The following CNGA1 variants were observed in gnomAD, a reference collection of about 807,000 sequenced individuals.
CNGA1 encodes cyclic nucleotide gated channel subunit alpha 1.
In CNGA1, 53 loss-of-function variants were observed where a neutral mutation model predicts 69.7. The observed-to-expected ratio is 0.76, with a 90% confidence interval of 0.61 to 0.96. CNGA1 has a LOEUF of 0.96. Among genes scored for constraint, CNGA1 ranks in the 40% least tolerant of loss-of-function variants. The pLI is 0.00. For missense variants in CNGA1, 739 were observed against 811.2 expected, an observed-to-expected ratio of 0.91 and a Z score of 1.08; for synonymous variants, 249 against 283.5, an observed-to-expected ratio of 0.88 and a Z score of 1.22.
At chr4:47,987,524 C>T (rs1402067323) in intron 2 of CNGA1, among the ~76,000 whole-genome samples, 1 of 152,178 alleles carries the variant, frequency 6.6e-6, no homozygotes, top group African/African-American at 2.4e-5. Flanking sequence ...CAGTTTGATA[C>T]TATGCATAGT....
intron 2 of CNGA1, among the ~76,000 whole-genome samples, chr4:48,010,220 T>G (rs966515813): frequency 6.6e-6 from 1 of 152,198 alleles, no homozygotes; most frequent in Non-Finnish European, 1.5e-5. Context: ...CATAAAATTA[T>G]AGAAATCTAT....
At chr4:47,958,577 G>A (rs1057453910) in intron 3 of CNGA1, among the ~76,000 whole-genome samples, 5 of 151,470 alleles carry the variant, frequency 3.3e-5, no homozygotes, top group South Asian at 2.1e-4. Flanking sequence ...AGCCGAGATC[G>A]CACCATTGCG....
chr4:47,955,823 G>C (rs1050691060), intron 3 of CNGA1, among the ~76,000 whole-genome samples: 4 of 152,224 alleles, frequency 2.6e-5, no homozygotes, highest in African/African-American at 9.6e-5. Context: ...CTGGAAGGGA[G>C]ACTTTTGTAA....
At chr4:47,988,378 G>T (rs1317746758) in intron 2 of CNGA1, among the ~76,000 whole-genome samples, 1 of 152,090 alleles carries the variant, frequency 6.6e-6, no homozygotes, top group Non-Finnish European at 1.5e-5. Flanking sequence ...ACACGTCAGT[G>T]CCTCAGTAAT....
intron 3 of CNGA1, among the ~76,000 whole-genome samples, chr4:47,971,630 G>C (rs986411063): frequency 7.2e-5 from 11 of 152,074 alleles, no homozygotes; most frequent in Non-Finnish European, 1.5e-5. Flanking sequence ...GGTGGCTCAC[G>C]CTTGCAATCC....
chr4:47,945,172 G>A (rs1434436723), intron 6 of CNGA1, among the ~76,000 whole-genome samples: 2 of 151,940 alleles, frequency 1.3e-5, no homozygotes, highest in Non-Finnish European at 1.5e-5. Context: ...AGACCAGCCC[G>A]GGCAACATAG....
chr4:47,974,896 C>G (rs1394967243), intron 3 of CNGA1, among the ~76,000 whole-genome samples: 1 of 152,054 alleles, frequency 6.6e-6, no homozygotes, highest in African/African-American at 2.4e-5. Flanking sequence ...AAAAATCTTT[C>G]TGAGTTACAG....
chr4:48,010,082 A>G (rs998129240), intron 2 of CNGA1, among the ~76,000 whole-genome samples: 5 of 152,220 alleles, frequency 3.3e-5, no homozygotes, highest in Non-Finnish European at 7.3e-5. Flanking sequence ...TCAGCTAAAT[A>G]GCCATAAATT....
At chr4:47,941,825 C>T (rs1202667081) in intron 9 of CNGA1, among the ~76,000 whole-genome samples, 1 of 152,150 alleles carries the variant, frequency 6.6e-6, no homozygotes, top group Non-Finnish European at 1.5e-5. Context: ...CCCCTCCATG[C>T]ATCCCAGTAC....
intron 3 of CNGA1, among the ~76,000 whole-genome samples, chr4:47,958,087 T>C (rs1299275589): frequency 6.6e-6 from 1 of 151,730 alleles, no homozygotes; most frequent in Non-Finnish European, 1.5e-5. Flanking sequence ...GTAGAGATGA[T>C]ATTTCACCGT....
Position 47,937,505 on chromosome 4 carries a change from T to C in CNGA1, c.977A>G (p.Asp326Gly), listed in dbSNP as rs527236059. 2 of 1,614,200 alleles carry C rather than the reference T, an allele frequency of 1.2e-6. No homozygotes were observed. Among genetic ancestry groups the C allele is most frequent in the Admixed American group, 1.7e-5 (1 of 60,026 alleles). Residue 326 changes from aspartate to glycine, a missense_variant, in exon 11 of 11, where the codon GAT becomes GGT. Coordinates refer to ENST00000514170, the MANE Select transcript of CNGA1 (RefSeq NM_001379270.1). ...SISKAIGFGN[D>G]TWVYPDINDP... ...ATTAATATCAGGGTAGACCCATGTA[T>C]CATTTCCAAATCCAATAGCTTTAGA...
intron 3 of CNGA1, among the ~76,000 whole-genome samples, chr4:47,974,636 TTAAAA>T (rs764469843): frequency 7.2e-5 from 11 of 152,196 alleles, no homozygotes; most frequent in Non-Finnish European, 1.5e-4. Flanking sequence ...AAAAATAAAT[TTAAAA>T]TAAACATTTT....
intron 1 of CNGA1, among the ~76,000 whole-genome samples, chr4:48,013,828 G>C (rs1336287264): frequency 6.6e-6 from 1 of 152,084 alleles, no homozygotes; most frequent in Non-Finnish European, 1.5e-5. Flanking sequence ...TGCAAAGGTG[G>C]TTTCTACTCC....
intron 2 of CNGA1, among the ~76,000 whole-genome samples, chr4:47,997,485 C>A: frequency 6.6e-6 from 1 of 152,000 alleles, no homozygotes; most frequent in South Asian, 2.1e-4. Flanking sequence ...TCAAAGACAA[C>A]TGGATTTAAT....
Position 48,016,666 on chromosome 4 carries a change from G to A in CNGA1, c.-406C>T. 3.4e-6 allele frequency: 2 copies of A among 586,104 alleles called. No homozygotes were observed. The highest frequency in any genetic ancestry group is 5.8e-6 in the Non-Finnish European group (2 of 346,246). 36.3% of individuals were successfully genotyped at this position (586,104 alleles called of 1,614,324 possible). ...AATTCGCAACAAGCCCCGGGCAGCA[G>A]GGCTCGGCTGGCGCTGAGGCCCCGC... On this transcript the variant is annotated 5_prime_UTR_variant, in exon 1 of 11. Coordinates refer to ENST00000514170, the MANE Select transcript of CNGA1 (RefSeq NM_001379270.1).
At chr4:48,000,892 G>A (rs1050189928) in intron 2 of CNGA1, among the ~76,000 whole-genome samples, 20 of 151,996 alleles carry the variant, frequency 1.3e-4, no homozygotes, top group Non-Finnish European at 1.6e-4. Flanking sequence ...GAAAATAAAG[G>A]CAAAATACAT....
intron 2 of CNGA1, among the ~76,000 whole-genome samples, chr4:48,008,436 A>G (rs1206864074): frequency 6.6e-6 from 1 of 152,142 alleles, no homozygotes; most frequent in East Asian, 1.9e-4. Context: ...TGTTTTGTAC[A>G]CAACCTTTAA....
rs749422084 is a variant in CNGA1, at chr4:47,936,417, G to T, written c.*4C>A. 6.2e-7 allele frequency: 1 copy of T among 1,613,880 alleles called. No homozygotes were observed. Among genetic ancestry groups the T allele is most frequent in the Non-Finnish European group, 8.5e-7 (1 of 1,179,868 alleles). ...TGTCCCTGTTAATGACCAGCTTTTC[G>T]GTTCTATGTAGAGTCGATGGGCCCA... is the stretch of plus-strand genomic sequence containing the variant. On this transcript the variant is annotated 3_prime_UTR_variant, in exon 11 of 11. Coordinates refer to ENST00000514170, the MANE Select transcript of CNGA1 (RefSeq NM_001379270.1).
chr4:47,958,571 G>A (rs924714933), intron 3 of CNGA1, among the ~76,000 whole-genome samples: 32 of 151,760 alleles, frequency 2.1e-4, no homozygotes, highest in Admixed American at 7.2e-4. Flanking sequence ...ACAGTGAGCC[G>A]AGATCGCACC....
Sources: allele counts gnomAD v4.1 joint callset (sites outside exome capture counted in the v4.1 genomes callset), GRCh38; gene constraint gnomAD v4.1.1; transcripts MANE v1.5; gene names NCBI Gene and HGNC (gene_info 2026-07-23, HGNC 2026-07-21).